TPRG1: variants seen among roughly 807,000 people sequenced by gnomAD.
TPRG1 encodes the protein tumor protein p63-regulated gene 1 protein.
TPRG1 carries 29 observed loss-of-function variants against 29.3 expected under a neutral mutation model. The ratio of observed to expected loss-of-function variants is 0.99; its 90% CI spans 0.74 to 1.35. The LOEUF is 1.35. Ranked by LOEUF, TPRG1 falls within the 40% of genes most tolerant of loss-of-function variation. The pLI, the probability that TPRG1 is intolerant of heterozygous loss-of-function variation, is 0.00. For synonymous variants in TPRG1, 130 were observed against 116.8 expected, an observed-to-expected ratio of 1.11 and a Z score of -0.73; for missense variants, 327 against 335.0, an observed-to-expected ratio of 0.98 and a Z score of 0.19.
chr3:189,301,360 A>T (rs566464090), intron 4 of TPRG1, among the ~76,000 whole-genome samples: 1 of 151,878 alleles, frequency 6.6e-6, no homozygotes, highest in South Asian at 2.1e-4. Flanking sequence ...CCAGCTAGCA[A>T]ATATTGAATG....
intron 4 of TPRG1, among the ~76,000 whole-genome samples, chr3:189,304,549 C>T (rs1721330358): frequency 6.6e-6 from 1 of 152,150 alleles, no homozygotes; most frequent in Admixed American, 6.5e-5. Flanking sequence ...ATAAAGGCAG[C>T]ACCTGCCGAT....
At chr3:189,248,371 T>C (rs576384383) in intron 4 of TPRG1, among the ~76,000 whole-genome samples, 1 of 151,992 alleles carries the variant, frequency 6.6e-6, no homozygotes, top group East Asian at 1.9e-4. Flanking sequence ...GTGAGGATTC[T>C]GTTAGCTAAT....
rs765306654 is a variant in TPRG1, at chr3:189,238,748, C to G, written c.318C>G (p.Asn106Lys). 2 of 1,611,704 alleles carry G rather than the reference C, an allele frequency of 1.2e-6. No homozygotes were observed. The highest frequency in any genetic ancestry group is 2.2e-5 in the East Asian group (1 of 44,858). Reference sequence around the variant, plus strand: ...ATTCCTATAGGATAGACCACTGGAACAATGAGAAGGAGAGAATTCTACTGG... The same window carrying G: ...ATTCCTATAGGATAGACCACTGGAAGAATGAGAAGGAGAGAATTCTACTGG... ...FWLLTKIDHW[N>K]NEKERILLVT... The change falls in exon 4 of 6, where the codon AAC becomes AAG. Residue 106 changes from asparagine to lysine, a missense_variant. Coordinates refer to ENST00000345063, the MANE Select transcript of TPRG1 (RefSeq NM_198485.4).
intron 4 of TPRG1, among the ~76,000 whole-genome samples, chr3:189,286,833 T>C (rs920722009): frequency 1.3e-5 from 2 of 152,148 alleles, no homozygotes; most frequent in Non-Finnish European, 2.9e-5. Context: ...CTTCCTACTT[T>C]CTTTTCTTTA....
At chr3:189,201,649 G>GT (rs779524835) in intron 1 of TPRG1, among the ~76,000 whole-genome samples, 11 of 151,992 alleles carry the variant, frequency 7.2e-5, no homozygotes, top group Non-Finnish European at 1.0e-4. Context: ...TCAAATTGTT[G>GT]TTTTTTTATT....
At chr3:189,047,786 C>T (rs964550869) in intron 4 of TPRG1, among the ~76,000 whole-genome samples, 2 of 152,044 alleles carry the variant, frequency 1.3e-5, no homozygotes, top group Admixed American at 6.6e-5. Flanking sequence ...TTTGCTTCTC[C>T]GTAAGAAGTA....
intron 4 of TPRG1, among the ~76,000 whole-genome samples, chr3:189,063,238 A>G (rs1351260380): frequency 3.9e-5 from 6 of 152,148 alleles, no homozygotes; most frequent in African/African-American, 9.6e-5. Flanking sequence ...ACCAAAAAAC[A>G]GAGCTTCAAA....
intron 4 of TPRG1, 68 bp downstream of exon 4, chr3:189,238,977 A>C: frequency 7.0e-7 from 1 of 1,436,500 alleles, no homozygotes; most frequent in South Asian, 1.5e-5. Context: ...AACAAGCCGA[A>C]AATTCAGTTT....
At chr3:189,114,854 T>C (rs1395184115) in intron 1 of TPRG1, among the ~76,000 whole-genome samples, 2 of 152,194 alleles carry the variant, frequency 1.3e-5, no homozygotes, top group Non-Finnish European at 2.9e-5. Context: ...TAGTCAGTTA[T>C]AGCCCTGAGG....
intron 3 of TPRG1, among the ~76,000 whole-genome samples, chr3:189,228,547 A>G (rs1429470293): frequency 6.6e-6 from 1 of 152,226 alleles, no homozygotes; most frequent in African/African-American, 2.4e-5. Flanking sequence ...ACTGATGCAG[A>G]GAAAGTATTT....
In TPRG1 at chr3:189,208,615, A is replaced by G. The variant is rs115634626; in HGVS notation, c.210+1021A>G. 5.7e-3 allele frequency among the ~76,000 whole-genome samples: 873 copies of G among 152,228 alleles called. 10 individuals are homozygous for G. Among genetic ancestry groups the G allele is most frequent in the African/African-American group, 0.019 (769 of 41,534 alleles). ...GTGAGTCTGTGTTTAAACACTGCATATACTCTTATGTGCAAGATGCTTTAG... is the reference window on the plus strand; with the variant it reads ...GTGAGTCTGTGTTTAAACACTGCATGTACTCTTATGTGCAAGATGCTTTAG... On this transcript the variant is annotated intron_variant, in intron 2 of 5. Coordinates refer to ENST00000345063, the MANE Select transcript of TPRG1 (RefSeq NM_198485.4).
At chr3:189,249,574 C>T (rs988808802) in intron 4 of TPRG1, among the ~76,000 whole-genome samples, 1 of 151,646 alleles carries the variant, frequency 6.6e-6, no homozygotes, top group Non-Finnish European at 1.5e-5. Flanking sequence ...CAGTTATGGC[C>T]TTAATTATAA....
intron 5 of TPRG1, among the ~76,000 whole-genome samples, chr3:189,310,919 G>C (rs192309945): frequency 6.0e-4 from 91 of 152,252 alleles, no homozygotes; most frequent in African/African-American, 2.2e-3. Flanking sequence ...GCTCGATTAA[G>C]TCACTTGTCT....
At chr3:189,016,712 T>C (rs1712953639) in intron 3 of TPRG1, among the ~76,000 whole-genome samples, 1 of 152,060 alleles carries the variant, frequency 6.6e-6, no homozygotes, top group Non-Finnish European at 1.5e-5. Flanking sequence ...TGAGATCTGG[T>C]TTTATGAAAG....
At chr3:189,144,722 A>G (rs1725020353) in intron 3 of TPRG1, among the ~76,000 whole-genome samples, 1 of 152,244 alleles carries the variant, frequency 6.6e-6, no homozygotes, top group African/African-American at 2.4e-5. Context: ...GACACTGATC[A>G]CTAGAAGTTA....
chr3:189,054,743 G>A (rs935451008), intron 4 of TPRG1, among the ~76,000 whole-genome samples: 9 of 151,966 alleles, frequency 5.9e-5, no homozygotes, highest in Non-Finnish European at 1.0e-4. Context: ...TTGCGTGACT[G>A]CACTCCAGCC....
chr3:189,257,428 G>T (rs1440217332), intron 4 of TPRG1, among the ~76,000 whole-genome samples: 1 of 152,134 alleles, frequency 6.6e-6, no homozygotes, highest in African/African-American at 2.4e-5. Flanking sequence ...CTCTCTGTCT[G>T]CCCTTAACAA....
chr3:189,140,915 G>C (rs1724459871), intron 3 of TPRG1, among the ~76,000 whole-genome samples: 1 of 152,138 alleles, frequency 6.6e-6, no homozygotes, highest in Non-Finnish European at 1.5e-5. Flanking sequence ...TGAGTGCCGT[G>C]TTTGCAGCTG....
intron 2 of TPRG1, among the ~76,000 whole-genome samples, chr3:189,209,108 T>C (rs528500419): frequency 2.0e-5 from 3 of 152,248 alleles, no homozygotes; most frequent in Non-Finnish European, 2.9e-5. Flanking sequence ...TGGTGTGAGG[T>C]CACTTTTAGA....
Sources: allele counts gnomAD v4.1 joint callset (sites outside exome capture counted in the v4.1 genomes callset), GRCh38; gene constraint gnomAD v4.1.1; transcripts MANE v1.5; gene names NCBI Gene and HGNC (gene_info 2026-07-23, HGNC 2026-07-21).